The following KDM2B variants were observed in gnomAD, a reference collection of about 807,000 sequenced individuals.
KDM2B encodes the protein lysine-specific demethylase 2B.
KDM2B carries 26 observed loss-of-function variants against 150.0 expected under a neutral mutation model. That is an observed-to-expected ratio of 0.17 (90% CI 0.13 to 0.24). The LOEUF is 0.24. Ranked by LOEUF, KDM2B falls within the 10% of genes least tolerant of loss-of-function variation. The pLI is 1.00. For missense variants in KDM2B, 1,265 were observed against 1,816.9 expected, an observed-to-expected ratio of 0.70 and a Z score of 5.52; for synonymous variants, 734 against 729.5, an observed-to-expected ratio of 1.01 and a Z score of -0.10.
chr12:121,419,120 C>T, the KDM2B span, among the ~76,000 whole-genome samples: 6 of 152,298 alleles, frequency 3.9e-5, no homozygotes, highest in Admixed American at 3.3e-4. Context: ...ACCACATACA[C>T]GGCAGTGGTT....
chr12:121,502,861 G>C (rs1884709204), intron 11 of KDM2B, among the ~76,000 whole-genome samples: 1 of 151,532 alleles, frequency 6.6e-6, no homozygotes, highest in South Asian at 2.1e-4. Flanking sequence ...GGAGGTCGAG[G>C]CTATGGAGAG....
At chr12:121,550,246 G>T (rs1383028770) in intron 4 of KDM2B, among the ~76,000 whole-genome samples, 5 of 151,758 alleles carry the variant, frequency 3.3e-5, no homozygotes, top group African/African-American at 1.2e-4. Context: ...GAAGGCAGAG[G>T]TTGCAGTGAG....
chr12:121,416,203 T>G, the KDM2B span: 1 of 1,614,112 alleles, frequency 6.2e-7, no homozygotes, highest in Non-Finnish European at 8.5e-7. Context: ...GGCTGCTGAA[T>G]GAAGTCATGG....
At chr12:121,535,900 C>T in intron 6 of KDM2B, 2 of 224,028 alleles carry the variant, frequency 8.9e-6, no homozygotes, top group Non-Finnish European at 1.5e-5. Flanking sequence ...AGGGACCCCT[C>T]CCTGCCACTT....
chr12:121,527,676 A>C (rs1887276713), intron 8 of KDM2B, among the ~76,000 whole-genome samples: 1 of 151,282 alleles, frequency 6.6e-6, no homozygotes, highest in African/African-American at 2.4e-5. Flanking sequence ...AAAAAAAAAA[A>C]AGTGGGGAAT....
intron 4 of KDM2B, among the ~76,000 whole-genome samples, chr12:121,558,674 C>T (rs2142247400): frequency 6.6e-6 from 1 of 152,230 alleles, no homozygotes; most frequent in African/African-American, 2.4e-5. Context: ...AAGATGGTCT[C>T]AAACTCCTGA....
At chr12:121,444,889 T>G (rs1249750158) in intron 14 of KDM2B, 3 of 434,656 alleles carry the variant, frequency 6.9e-6, no homozygotes, top group Non-Finnish European at 1.3e-5. Flanking sequence ...GAAAGGACTC[T>G]GCAGAGGACT....
Position 121,442,938 on chromosome 12 carries a change from G to A in KDM2B, c.2604+54C>T, listed in dbSNP as rs1005178619. 5 of 1,597,842 alleles carry A rather than the reference G, an allele frequency of 3.1e-6. No homozygotes were observed. Among genetic ancestry groups the A allele is most frequent in the African/African-American group, 2.7e-5 (2 of 74,488 alleles). On this transcript the variant is annotated intron_variant, in intron 18 of 22. Transcript: ENST00000377071. The surrounding 1 kb of genome is among the most constrained non-coding windows in gnomAD (Gnocchi z 7.7). The stretch of plus-strand genomic sequence containing the variant: ...ACGGGACTGTGGCCCAGGGAGCTGC[G>A]GTGCAGCTCTAACCGCTCAGGCCTG...
At chr12:121,420,444 T>C in the KDM2B span, 1 of 1,553,072 alleles carries the variant, frequency 6.4e-7, no homozygotes, top group Non-Finnish European at 8.7e-7. Context: ...CTGGTTTGAA[T>C]GTAGGACAGT....
At chr12:121,544,168 C>G (rs1225026114) in intron 6 of KDM2B, among the ~76,000 whole-genome samples, 4 of 148,334 alleles carry the variant, frequency 2.7e-5, no homozygotes, top group Non-Finnish European at 5.9e-5. Context: ...CCTAGCTACT[C>G]AGGAGGCTGA....
At chr12:121,546,568 T>TG (rs1555310728) in intron 6 of KDM2B, among the ~76,000 whole-genome samples, 7 of 150,962 alleles carry the variant, frequency 4.6e-5, no homozygotes, top group African/African-American at 9.7e-5. Context: ...TGGTTTTTTT[T>TG]TTTTGTTTGT....
intron 6 of KDM2B, among the ~76,000 whole-genome samples, chr12:121,544,916 A>G (rs1285482270): frequency 6.6e-6 from 1 of 152,184 alleles, no homozygotes; most frequent in Non-Finnish European, 1.5e-5. Flanking sequence ...CTCTCTAAAA[A>G]AATAAAAATT....
intron 11 of KDM2B, among the ~76,000 whole-genome samples, chr12:121,502,793 ATGAAC>A (rs1190403500): frequency 6.7e-6 from 1 of 149,804 alleles, no homozygotes; most frequent in Non-Finnish European, 1.5e-5. Context: ...AAAAACTTAA[ATGAAC>A]TGAGCATGGT....
chr12:121,449,063 C>G (rs1876775874), intron 13 of KDM2B, among the ~76,000 whole-genome samples: 1 of 152,110 alleles, frequency 6.6e-6, no homozygotes, highest in African/African-American at 2.4e-5. Context: ...CAGGGTGAAG[C>G]ACGGCCCACA....
the KDM2B span, among the ~76,000 whole-genome samples, chr12:121,414,881 G>T: frequency 2.0e-5 from 3 of 152,198 alleles, no homozygotes; most frequent in Non-Finnish European, 4.4e-5. Flanking sequence ...ATCACCTGAG[G>T]TCAGGAGTTC....
At chr12:121,579,922 G>T in intron 1 of KDM2B, 5 of 1,298,518 alleles carry the variant, frequency 3.9e-6, no homozygotes, top group Non-Finnish European at 4.9e-6. Context: ...GAAAAGGAAA[G>T]AAAAGGCAGC....
the KDM2B span, among the ~76,000 whole-genome samples, chr12:121,408,978 CT>C: frequency 3.4e-4 from 50 of 146,456 alleles, no homozygotes; most frequent in Admixed American, 1.1e-3. Flanking sequence ...GTGACCCTTT[CT>C]TTTTTTTTTT....
the KDM2B span, chr12:121,418,243 G>A: frequency 8.3e-6 from 2 of 239,542 alleles, no homozygotes; most frequent in African/African-American, 2.3e-5. Context: ...GTAGTGTTAT[G>A]TGTTAGTGCA....
chr12:121,538,651 TA>T (rs1888362211), intron 6 of KDM2B, among the ~76,000 whole-genome samples: 1 of 152,194 alleles, frequency 6.6e-6, no homozygotes, highest in African/African-American at 2.4e-5. Flanking sequence ...GTACCTGGAT[TA>T]CTTAATCCAA....
Sources: gnomAD v4.1 joint callset for allele counts (sites outside exome capture counted in the v4.1 genomes callset) on GRCh38, gnomAD v4.1.1 for gene constraint, Gnocchi (gnomAD v3.1) non-coding constraint, MANE v1.5 for transcripts, NCBI Gene and HGNC (gene_info 2026-07-23, HGNC 2026-07-21) for gene names.